The following CFI variants were observed in gnomAD, a reference collection of about 807,000 sequenced individuals.
The protein encoded by CFI is C3B/C4B inactivator.
CFI carries 66 observed loss-of-function variants against 78.8 expected under a neutral mutation model. The observed-to-expected ratio is 0.84, with a 90% CI of 0.69 to 1.03. The LOEUF (loss-of-function observed/expected upper bound fraction) is 1.03. Ranked by LOEUF, CFI falls within the 50% of genes least tolerant of loss-of-function variation. The pLI is 0.00. For missense variants in CFI, 706 were observed against 704.5 expected, an observed-to-expected ratio of 1.00 and a Z score of -0.02; for synonymous variants, 250 against 232.6, an observed-to-expected ratio of 1.07 and a Z score of -0.68.
chr4:109,740,689 A>T (rs1207406157), downstream of CFI: 3 of 630,070 alleles, frequency 4.8e-6, no homozygotes, highest in Admixed American at 2.7e-5. Flanking sequence ...TGATAAATAA[A>T]ACTTGTATGC....
intron 3 of CFI, chr4:109,761,990 G>C: frequency 8.4e-6 from 3 of 357,932 alleles, no homozygotes; most frequent in South Asian, 7.5e-5. Flanking sequence ...AAGAGTTCGA[G>C]ACCAGCCTGG....
At chr4:109,732,856 CAAAA>C in the CFI span, among the ~76,000 whole-genome samples, 6 of 130,414 alleles carry the variant, frequency 4.6e-5, no homozygotes, top group African/African-American at 8.0e-5. Context: ...GACTCTGTCT[CAAAA>C]AAAAAAAAAA....
chr4:109,787,450 T>C (rs779457479), intron 1 of CFI, among the ~76,000 whole-genome samples: 47 of 152,158 alleles, frequency 3.1e-4, no homozygotes, highest in Middle Eastern at 3.4e-3. Flanking sequence ...GCCCTGCTTT[T>C]GACATAAAGT....
At chr4:109,760,661 G>A in intron 4 of CFI, 25 bp from the exon 5 acceptor site, 1 of 1,349,402 alleles carries the variant, frequency 7.4e-7, no homozygotes, top group Non-Finnish European at 1.1e-6. Context: ...TTATCTTTGT[G>A]AAATTTATTT....
At chr4:109,768,407 T>C (rs950577908) in intron 1 of CFI, among the ~76,000 whole-genome samples, 1 of 151,348 alleles carries the variant, frequency 6.6e-6, no homozygotes, top group African/African-American at 2.4e-5. Context: ...GCACTTACTG[T>C]TACATGATGC....
At chr4:109,768,455 C>G (rs141689240) in intron 1 of CFI, among the ~76,000 whole-genome samples, 2 of 151,802 alleles carry the variant, frequency 1.3e-5, no homozygotes, top group Non-Finnish European at 2.9e-5. Context: ...ATTTCCTCAT[C>G]GTAAAATGAG....
At position 109,746,522 on chromosome 4, in the gene CFI, G is replaced by A. The variant is rs1346577337; in HGVS notation, c.1149-20C>T. 7.1e-6 allele frequency: 11 copies of A among 1,552,876 alleles called. No homozygotes were observed. The East Asian group carries it at 2.3e-4, about 33-fold the overall frequency. On this transcript the variant is annotated intron_variant, in intron 10 of 12. Coordinates refer to ENST00000394634, the MANE Select transcript of CFI (RefSeq NM_000204.5). ...CTGGCTCTATAACAGAAAAAAAAAG[G>A]AAATAAAATATATTGAGAAAAAATA...
chr4:109,759,410 C>T (rs1346238655), intron 6 of CFI, among the ~76,000 whole-genome samples: 1 of 152,028 alleles, frequency 6.6e-6, no homozygotes. Context: ...TCAAAAAAGA[C>T]ATTTTTGAGA....
intron 1 of CFI, among the ~76,000 whole-genome samples, chr4:109,786,953 G>A (rs1175566304): frequency 6.6e-6 from 1 of 152,016 alleles, no homozygotes; most frequent in Non-Finnish European, 1.5e-5. Flanking sequence ...TTTGAAAGAT[G>A]CTTGGAAAGT....
chr4:109,756,952 A>G (rs781052205), intron 7 of CFI, among the ~76,000 whole-genome samples: 1 of 147,930 alleles, frequency 6.8e-6, no homozygotes, highest in East Asian at 2.0e-4. Flanking sequence ...AAAGAAAGAA[A>G]GAAAGAAAGA....
Position 109,749,100 on chromosome 4 carries a change from A to G in CFI, c.1148+118T>C, listed in dbSNP as rs554643394. On this transcript the variant is annotated intron_variant, in intron 10 of 12. Coordinates refer to ENST00000394634, the MANE Select transcript of CFI (RefSeq NM_000204.5). The stretch of plus-strand genomic sequence containing the variant: ...CGCGAATACCAGAGGATACTTTGCA[A>G]TTAATATAGTGGAGTTTGTCAGTAC... 29 of 934,366 alleles carry G rather than the reference A, an allele frequency of 3.1e-5. No homozygotes were observed. In the African/African-American group the frequency reaches 4.2e-4, roughly 14 times the overall value. The allele number at this position is 934,366 out of a possible 1,614,324, so 57.9% of individuals were successfully genotyped here.
At chr4:109,756,904 A>AGAAAGAAG in intron 7 of CFI, among the ~76,000 whole-genome samples, 1 of 65,570 alleles carries the variant, frequency 1.5e-5, no homozygotes, top group Admixed American at 1.3e-4. Context: ...AAAGAAAGAA[A>AGAAAGAAG]GAAAGAAAGA....
the CFI span, among the ~76,000 whole-genome samples, chr4:109,735,554 C>G: frequency 6.6e-6 from 1 of 152,152 alleles, no homozygotes; most frequent in African/African-American, 2.4e-5. Context: ...CAATGTCTCA[C>G]TAATGGCCTC....
chr4:109,776,067 C>T (rs1729196549), intron 1 of CFI, among the ~76,000 whole-genome samples: 1 of 152,156 alleles, frequency 6.6e-6, no homozygotes, highest in African/African-American at 2.4e-5. Context: ...TTCTAAAAAT[C>T]AGAGCACCTC....
chr4:109,775,137 G>A (rs932126246), intron 1 of CFI, among the ~76,000 whole-genome samples: 2 of 152,140 alleles, frequency 1.3e-5, no homozygotes, highest in South Asian at 4.1e-4. Flanking sequence ...TCCAACTAAG[G>A]TACCAAGTTC....
intron 11 of CFI, among the ~76,000 whole-genome samples, chr4:109,743,561 T>C (rs73838864): frequency 0.028 from 4,211 of 152,326 alleles, 208 homozygotes; most frequent in African/African-American, 0.094. Flanking sequence ...AGTGAAATCC[T>C]AGCACTTTAG....
At chr4:109,798,746 G>T (rs1454505067) in intron 1 of CFI, among the ~76,000 whole-genome samples, 2 of 151,552 alleles carry the variant, frequency 1.3e-5, no homozygotes, top group Admixed American at 6.6e-5. Flanking sequence ...GTTTGCTTTG[G>T]TTGCTTGGTG....
At position 109,742,747 on chromosome 4, in the gene CFI, A is replaced by G. The variant is rs1579155129; in HGVS notation, c.1430-152T>C. On this transcript the variant is annotated intron_variant, in intron 11 of 12. Coordinates refer to ENST00000394634, the MANE Select transcript of CFI (RefSeq NM_000204.5). ...ACTCTTCCTTAGCGTGTTTAATCAT[A>G]TCATATGTCTATTTCTAAAATTGGA... The G allele has an allele frequency of 6.5e-6, 4 of 619,614 alleles. No homozygotes were observed. In the East Asian group the frequency reaches 1.1e-4, roughly 17 times the overall value. The allele number at this position is 619,614 out of a possible 1,614,324, so 38.4% of individuals were successfully genotyped here. A position where few individuals can be genotyped will look rare whatever the true frequency, so the allele number is the denominator to read the frequency against.
intron 12 of CFI, chr4:109,741,410 G>T: frequency 1.1e-6 from 1 of 947,104 alleles, no homozygotes; most frequent in Non-Finnish European, 1.3e-6. Flanking sequence ...TGCTGAGTAG[G>T]AAAATGATGG....
Sources: allele counts gnomAD v4.1 joint callset (sites outside exome capture counted in the v4.1 genomes callset), GRCh38; gene constraint gnomAD v4.1.1; transcripts MANE v1.5; gene names NCBI Gene and HGNC (gene_info 2026-07-23, HGNC 2026-07-21).